The following MEDAG variants were observed in gnomAD, a reference collection of about 807,000 sequenced individuals.
MEDAG encodes mesenteric estrogen dependent adipogenesis.
MEDAG carries 25 observed loss-of-function variants against 29.9 expected under a neutral mutation model. That is an observed-to-expected ratio of 0.84 (90% CI 0.61 to 1.17). The LOEUF (loss-of-function observed/expected upper bound fraction) is 1.17. Ranked by LOEUF, MEDAG falls within the 50% of genes most tolerant of loss-of-function variation. The pLI is 0.00. For synonymous variants in MEDAG, 158 were observed against 148.2 expected (o/e 1.07, Z -0.48); for missense variants, 398 against 372.9 (o/e 1.07, Z -0.56).
chr13:30,917,794 G>A (rs563094866), intron 2 of MEDAG, among the ~76,000 whole-genome samples: 1 of 152,200 alleles, frequency 6.6e-6, no homozygotes, highest in South Asian at 2.1e-4. Context: ...GAACAGCAAG[G>A]GGAAAATTCA....
Position 30,924,992 on chromosome 13 carries a change from C to T in MEDAG, c.*557C>T, listed in dbSNP as rs897313179. The T allele has an allele frequency of 4.6e-5, 7 of 152,226 alleles. No individual in the cohort carries two copies. Among genetic ancestry groups the T allele is most frequent in the African/African-American group, 1.7e-4 (7 of 41,438 alleles). 9.4% of individuals were successfully genotyped at this position (152,226 alleles called of 1,614,324 possible). A position where few individuals can be genotyped will look rare whatever the true frequency, so the allele number is the denominator to read the frequency against. ...GAGGCAAATATGTTTTTCATCCTGC[C>T]ATATGACACCTATGAGAAACGTTCA... On this transcript the variant is annotated 3_prime_UTR_variant, in exon 5 of 5. Coordinates refer to ENST00000380482, the MANE Select transcript of MEDAG (RefSeq NM_032849.4).
intron 1 of MEDAG, chr13:30,908,729 C>T (rs1040242330): frequency 6.7e-6 from 1 of 149,106 alleles, no homozygotes; most frequent in South Asian, 2.2e-4. Context: ...CTCCCTCCCT[C>T]CCTCCCTTCC....
In MEDAG at chr13:30,924,386, C is replaced by G. The variant is rs764835720; in HGVS notation, c.863C>G (p.Pro288Arg). The change falls in exon 5 of 5, where the codon CCA becomes CGA. Residue 288 changes from proline (P) to arginine (R), a missense_variant. Physicochemically the swap from Pro to Arg is moderately radical, Grantham distance 103. Transcript: ENST00000380482. The part of the protein sequence containing the change: ...SLTEPLLAEL[P>R]FPSVLESEET... ...ACAGAGCCTCTTTTGGCAGAATTACCATTTCCAAGTGTTCTGGAATCTGAA... is the reference window on the plus strand; with the variant it reads ...ACAGAGCCTCTTTTGGCAGAATTACGATTTCCAAGTGTTCTGGAATCTGAA... 6 of 1,613,986 alleles carry G rather than the reference C, an allele frequency of 3.7e-6. No individual in the cohort carries two copies. The highest frequency in any genetic ancestry group is 5.1e-6 in the Non-Finnish European group (6 of 1,179,996).
intron 1 of MEDAG, among the ~76,000 whole-genome samples, chr13:30,912,104 T>C (rs879388207): frequency 3.2e-4 from 49 of 152,344 alleles, no homozygotes; most frequent in Non-Finnish European, 5.7e-4. Flanking sequence ...GAATGAATCA[T>C]TCTCTGCCCC....
In MEDAG at chr13:30,921,024, C is replaced by T. The variant is rs148624354; in HGVS notation, c.399C>T (p.Tyr133=). The T allele has an allele frequency of 3.4e-4, 550 of 1,613,384 alleles. No homozygotes were observed. The highest frequency in any genetic ancestry group is 4.4e-4 in the Non-Finnish European group (515 of 1,179,654). The change falls in exon 3 of 5, where the codon TAC becomes TAT. Residue 133 remains tyrosine (Y), a synonymous_variant. Coordinates refer to ENST00000380482, the MANE Select transcript of MEDAG (RefSeq NM_032849.4). ...CTTGCTAATTTCTAGAAAGGACGTACGCGTTTCTTGTAAACACGAGGCACC... is the reference window on the plus strand; with the variant it reads ...CTTGCTAATTTCTAGAAAGGACGTATGCGTTTCTTGTAAACACGAGGCACC... ...TKKDTSKERT[Y]AFLVNTRHPK... is the part of the protein sequence containing the mutation.
intron 4 of MEDAG, 171 bp downstream of exon 4, chr13:30,922,017 C>T (rs1952992322): frequency 1.5e-6 from 1 of 676,176 alleles, no homozygotes; most frequent in Non-Finnish European, 2.3e-6. Flanking sequence ...AAAACAAATG[C>T]AGTGACTTTT....
At chr13:30,910,268 T>C (rs1952870088) in intron 1 of MEDAG, among the ~76,000 whole-genome samples, 1 of 152,018 alleles carries the variant, frequency 6.6e-6, no homozygotes, top group African/African-American at 2.4e-5. Context: ...GGCAAACGTT[T>C]GGCAAAGAAG....
chr13:30,912,662 G>T (rs768018084), intron 1 of MEDAG, among the ~76,000 whole-genome samples: 3 of 152,160 alleles, frequency 2.0e-5, no homozygotes, highest in Non-Finnish European at 4.4e-5. Context: ...TCTTTCAGTG[G>T]CTCCTGATTT....
At chr13:30,912,059 T>TA (rs1257756797) in intron 1 of MEDAG, among the ~76,000 whole-genome samples, 2 of 152,208 alleles carry the variant, frequency 1.3e-5, no homozygotes, top group Non-Finnish European at 1.5e-5. Context: ...CAGCACACAG[T>TA]AGGTACTCAG....
intron 1 of MEDAG, chr13:30,916,448 G>T (rs947788165): frequency 6.6e-6 from 1 of 152,310 alleles, no homozygotes; most frequent in Non-Finnish European, 1.5e-5. Flanking sequence ...TGTAGCAAAA[G>T]GCAGCCCGCG....
intron 1 of MEDAG, among the ~76,000 whole-genome samples, chr13:30,912,953 A>G (rs1952895133): frequency 6.6e-6 from 1 of 152,240 alleles, no homozygotes; most frequent in Non-Finnish European, 1.5e-5. Context: ...TCAAGCATCT[A>G]CTATGGGTTC....
intron 1 of MEDAG, among the ~76,000 whole-genome samples, chr13:30,912,087 C>G (rs1396810723): frequency 6.6e-6 from 1 of 152,164 alleles, no homozygotes; most frequent in Non-Finnish European, 1.5e-5. Context: ...TCCTTCCATG[C>G]ATAAATGAAT....
Position 30,906,534 on chromosome 13 carries a change from G to C in MEDAG, c.19G>C (p.Glu7Gln), listed in dbSNP as rs765998379. 1.3e-6 allele frequency: 2 copies of C among 1,518,914 alleles called. No individual in the cohort carries two copies. Among genetic ancestry groups the C allele is most frequent in the Admixed American group, 1.9e-5 (1 of 52,084 alleles). 94.1% of individuals were successfully genotyped at this position (1,518,914 alleles called of 1,614,324 possible). A position where few individuals can be genotyped will look rare whatever the true frequency, so the allele number is the denominator to read the frequency against. Residue 7 changes from glutamate to glutamine, a missense_variant, in exon 1 of 5, where the codon GAG (glutamate) becomes CAG (glutamine). Physicochemically the swap from Glu to Gln is conservative, Grantham distance 29 (BLOSUM62 2). Transcript: ENST00000380482. ...CGCGGGCATGGCGGGGGCGGCCTGCGAGCCGGTGGCCAGGCCGAGCCTGAC... is the reference window on the plus strand; with the variant it reads ...CGCGGGCATGGCGGGGGCGGCCTGCCAGCCGGTGGCCAGGCCGAGCCTGAC... MAGAAC[E>Q]PVARPSLTSI...
At chr13:30,917,583 A>C (rs1329659969) in intron 2 of MEDAG, 71 bp downstream of exon 2, 1 of 877,612 alleles carries the variant, frequency 1.1e-6, no homozygotes, top group South Asian at 1.5e-5. Flanking sequence ...TTTATAAAGA[A>C]AAGAGGTTTA....
At position 30,906,512 on chromosome 13, in the gene MEDAG, G is replaced by C; in HGVS notation, c.-4G>C. The C allele has an allele frequency of 6.6e-7, 1 of 1,509,192 alleles. No homozygotes were observed. Among genetic ancestry groups the C allele is most frequent in the Non-Finnish European group, 8.8e-7 (1 of 1,136,274 alleles). 93.5% of individuals were successfully genotyped at this position (1,509,192 alleles called of 1,614,324 possible). ...CAGGCGGTGTGAGGACCGACGACGC[G>C]GGCATGGCGGGGGCGGCCTGCGAGC... On this transcript the variant is annotated 5_prime_UTR_variant, in exon 1 of 5. Coordinates refer to ENST00000380482, the MANE Select transcript of MEDAG (RefSeq NM_032849.4).
At chr13:30,915,172 C>T (rs139080532) in intron 1 of MEDAG, among the ~76,000 whole-genome samples, 8 of 152,094 alleles carry the variant, frequency 5.3e-5, no homozygotes, top group South Asian at 2.1e-4. Flanking sequence ...TCACCCCCCA[C>T]GTAACAACAT....
In MEDAG at chr13:30,921,042, G is replaced by A. The variant is rs11841583; in HGVS notation, c.417G>A (p.Thr139=). ...GGACGTACGCGTTTCTTGTAAACAC[G>A]AGGCACCCCAAGATAAGAAGACAGA... The part of the protein sequence containing the change: ...KERTYAFLVN[T]RHPKIRRQIE... Residue 139 remains threonine (T), a synonymous_variant, in exon 3 of 5, where the codon ACG becomes ACA. Coordinates refer to ENST00000380482, the MANE Select transcript of MEDAG (RefSeq NM_032849.4). 0.091 allele frequency: 147,275 copies of A among 1,613,350 alleles called. 7,679 individuals carry two copies. Among genetic ancestry groups the A allele is most frequent in the African/African-American group, 0.2 (15,000 of 74,954 alleles).
chr13:30,913,827 G>T (rs1952902656), intron 1 of MEDAG, among the ~76,000 whole-genome samples: 1 of 152,104 alleles, frequency 6.6e-6, no homozygotes, highest in African/African-American at 2.4e-5. Context: ...GATCATTTGA[G>T]GTCAGGAGTT....
intron 1 of MEDAG, among the ~76,000 whole-genome samples, chr13:30,913,124 C>T (rs1474525106): frequency 6.6e-6 from 1 of 151,458 alleles, no homozygotes; most frequent in Non-Finnish European, 1.5e-5. Context: ...ACATAGCCAG[C>T]AAATCAGGAC....
Sources: allele counts gnomAD v4.1 joint callset (sites outside exome capture counted in the v4.1 genomes callset), GRCh38; gene constraint gnomAD v4.1.1; transcripts MANE v1.5; gene names NCBI Gene and HGNC (gene_info 2026-07-23, HGNC 2026-07-21).